The following SPICE1 variants were observed in gnomAD, a reference collection of about 807,000 sequenced individuals.
SPICE1 encodes the protein spindle and centriole associated protein 1.
SPICE1 carries 75 observed loss-of-function variants against 102.7 expected under a neutral mutation model. That is an observed-to-expected ratio of 0.73 (90% CI 0.61 to 0.88). SPICE1 has a LOEUF of 0.88. Among genes scored for constraint, SPICE1 ranks in the 40% least tolerant of loss-of-function variants. SPICE1 has a pLI of 0.00. For synonymous variants in SPICE1, 308 were observed against 350.3 expected, an observed-to-expected ratio of 0.88 and a Z score of 1.35; for missense variants, 979 against 1,020.1, an observed-to-expected ratio of 0.96 and a Z score of 0.55.
At chr3:113,485,981 G>T (rs554863242) in intron 7 of SPICE1, among the ~76,000 whole-genome samples, 1 of 151,906 alleles carries the variant, frequency 6.6e-6, no homozygotes, top group African/African-American at 2.4e-5. Flanking sequence ...GCCTGGTGGC[G>T]CATGCCTGTA....
chr3:113,475,623 G>C (rs1439277910), intron 7 of SPICE1, among the ~76,000 whole-genome samples: 1 of 152,046 alleles, frequency 6.6e-6, no homozygotes, highest in African/African-American at 2.4e-5. Flanking sequence ...TGCAAGGCTG[G>C]TTCAATATAC....
chr3:113,460,059 TTAAAAG>T (rs1224835745), intron 12 of SPICE1: 3 of 985,262 alleles, frequency 3.0e-6, no homozygotes, highest in Non-Finnish European at 3.6e-6. Context: ...AAAGTCTTAC[TTAAAAG>T]TAAAACACAT....
intron 14 of SPICE1, among the ~76,000 whole-genome samples, chr3:113,451,286 C>T (rs1032799287): frequency 4.6e-5 from 7 of 151,988 alleles, no homozygotes; most frequent in African/African-American, 9.7e-5. Flanking sequence ...AAAAAATAGC[C>T]GCCCAAAAAA....
At chr3:113,463,682 GT>G (rs1235098095) in intron 11 of SPICE1, among the ~76,000 whole-genome samples, 3 of 152,196 alleles carry the variant, frequency 2.0e-5, no homozygotes, top group Non-Finnish European at 4.4e-5. Flanking sequence ...CCATTTCTAT[GT>G]AATATCTATA....
chr3:113,503,056 T>C, intron 3 of SPICE1, 124 bp downstream of exon 3: 1 of 954,218 alleles, frequency 1.0e-6, no homozygotes, highest in African/African-American at 1.7e-5. Context: ...TATATAGACA[T>C]AAACAAGATT....
intron 2 of SPICE1, among the ~76,000 whole-genome samples, chr3:113,505,477 A>G (rs1937090860): frequency 6.6e-6 from 1 of 152,204 alleles, no homozygotes. Context: ...CTAACATGGT[A>G]GGTTGCAAAC....
chr3:113,508,233 G>C (rs1250719350), intron 1 of SPICE1, among the ~76,000 whole-genome samples: 4 of 152,012 alleles, frequency 2.6e-5, no homozygotes, highest in Admixed American at 2.0e-4. Flanking sequence ...TGGTTTCTTA[G>C]AAATGACACA....
intron 16 of SPICE1, 30 bp from the exon 17 acceptor site, chr3:113,446,706 G>T: frequency 6.6e-7 from 1 of 1,521,096 alleles, no homozygotes; most frequent in Non-Finnish European, 9.1e-7. Flanking sequence ...CAGAGTAAGA[G>T]AGTGAGCTAT....
chr3:113,471,858 G>A (rs1936207299), intron 7 of SPICE1, among the ~76,000 whole-genome samples: 1 of 152,196 alleles, frequency 6.6e-6, no homozygotes, highest in South Asian at 2.1e-4. Context: ...CCCAGCGTGA[G>A]TGACACAGAA....
chr3:113,493,940 C>A, intron 5 of SPICE1, 109 bp downstream of exon 5: 1 of 700,852 alleles, frequency 1.4e-6, no homozygotes. Context: ...CCCTACAATA[C>A]TTGTAATATA....
intron 16 of SPICE1, among the ~76,000 whole-genome samples, 190 bp downstream of exon 16, chr3:113,447,848 C>G (rs1935551746): frequency 6.6e-6 from 1 of 152,170 alleles, no homozygotes; most frequent in Admixed American, 6.5e-5. Flanking sequence ...CCATGCCTTT[C>G]TACTTAAAGT....
chr3:113,508,034 A>G (rs1937146291), intron 1 of SPICE1, among the ~76,000 whole-genome samples: 1 of 152,174 alleles, frequency 6.6e-6, no homozygotes, highest in African/African-American at 2.4e-5. Flanking sequence ...CAACGGGGAA[A>G]GAATAGTCTT....
At position 113,453,885 on chromosome 3, in the gene SPICE1, T is replaced by C. The variant is rs748039281; in HGVS notation, c.1723A>G (p.Lys575Glu). ...GTCTTCTCTTCCCAATTTTGTTCCT[T>C]CTCAATTATTTCCACAGTTGGAGGA... ...RLPPTVEIIE[K>E]EQNWEEKTLP... Residue 575 changes from lysine to glutamate, a missense_variant, in exon 14 of 18, where the codon AAG (lysine) becomes GAG (glutamate). Lys to Glu is a moderately conservative substitution (Grantham distance 56). Transcript: ENST00000295872. 6.2e-7 allele frequency: 1 copy of C among 1,614,146 alleles called. No individual in the cohort carries two copies. The highest frequency in any genetic ancestry group is 8.5e-7 in the Non-Finnish European group (1 of 1,180,016).
At position 113,460,104 on chromosome 3, in the gene SPICE1, A is replaced by G. The variant is rs555163061; in HGVS notation, c.1435+513T>C. On this transcript the variant is annotated intron_variant, in intron 12 of 17. Transcript: ENST00000295872. ...AAAACCAAAATGTCCAATTCAGCCT[A>G]TAGCATATGATGGCACATGAGATGA... 3.0e-5 allele frequency: 30 copies of G among 985,472 alleles called. 1 individual carries two copies. The South Asian group carries it at 1.3e-3, about 43-fold the overall frequency. The allele number at this position is 985,472 out of a possible 1,614,324, so 61.0% of individuals were successfully genotyped here.
chr3:113,459,947 A>G, intron 12 of SPICE1: 4 of 985,336 alleles, frequency 4.1e-6, no homozygotes, highest in Non-Finnish European at 4.8e-6. Context: ...CTAGCCAATG[A>G]GTTTACCTCA....
intron 7 of SPICE1, among the ~76,000 whole-genome samples, chr3:113,487,158 A>C (rs925650011): frequency 6.6e-6 from 1 of 152,112 alleles, no homozygotes. Context: ...TCTACTTAGC[A>C]GGTTTATTTT....
intron 7 of SPICE1, among the ~76,000 whole-genome samples, chr3:113,482,627 T>C (rs1576638193): frequency 6.6e-6 from 1 of 152,248 alleles, no homozygotes; most frequent in East Asian, 1.9e-4. Context: ...TTTCTGCATA[T>C]GGCTAGCCAG....
intron 4 of SPICE1, among the ~76,000 whole-genome samples, chr3:113,496,211 T>C (rs1936881977): frequency 6.6e-6 from 1 of 151,890 alleles, no homozygotes; most frequent in Non-Finnish European, 1.5e-5. Flanking sequence ...TTGGGAAAAA[T>C]GGTTTGAGTG....
chr3:113,487,682 A>T (rs1378044638), intron 7 of SPICE1, among the ~76,000 whole-genome samples: 1 of 152,174 alleles, frequency 6.6e-6, no homozygotes, highest in Non-Finnish European at 1.5e-5. Flanking sequence ...AAGCTCCCAA[A>T]TATGTGACAA....
Sources: allele counts gnomAD v4.1 joint callset (sites outside exome capture counted in the v4.1 genomes callset), GRCh38; gene constraint gnomAD v4.1.1; transcripts MANE v1.5; gene names NCBI Gene and HGNC (gene_info 2026-07-23, HGNC 2026-07-21).